Variants in SPG7 observed in about 807,000 individuals in gnomAD.
The protein encoded by SPG7 is SPG7 matrix AAA peptidase subunit, paraplegin, also known as mitochondrial inner membrane m-AAA protease component paraplegin.
A neutral mutation model predicts 81.9 loss-of-function variants in SPG7; 103 were observed. That is an observed-to-expected ratio of 1.26 (90% CI 1.07 to 1.48). SPG7 has a LOEUF of 1.48. Among genes scored for constraint, SPG7 ranks in the 40% most tolerant of loss-of-function variants. The pLI is 0.00. For synonymous variants in SPG7, 534 were observed against 444.2 expected (o/e 1.20, Z -2.54); for missense variants, 1,241 against 1,087.3 (o/e 1.14, Z -1.99).
chr16:89,540,871 A>G, intron 9 of SPG7: 1 of 980,832 alleles, frequency 1.0e-6, no homozygotes, highest in Non-Finnish European at 1.2e-6. Context: ...TTTACCTGTA[A>G]TAGCTAAAAA....
Position 89,546,959 on chromosome 16 carries a change from C to T in SPG7, c.1552+199C>T, listed in dbSNP as rs2292953. 9.6e-5 allele frequency: 56 copies of T among 583,248 alleles called. No homozygotes were observed. The East Asian group carries it at 1.7e-3, about 18-fold the overall frequency. 36.1% of individuals were successfully genotyped at this position (583,248 alleles called of 1,614,324 possible). The stretch of plus-strand genomic sequence containing the variant: ...CAGACGGCACCCGCACTCCGTCCTC[C>T]GCCCCGGGGTGGAAAAGCAGACGGT... On this transcript the variant is annotated intron_variant, in intron 11 of 16. Coordinates refer to ENST00000645818, the MANE Select transcript of SPG7 (RefSeq NM_003119.4).
intron 14 of SPG7, chr16:89,553,528 G>C (rs1479214830): frequency 1.8e-6 from 1 of 553,342 alleles, no homozygotes; most frequent in African/African-American, 1.9e-5. Flanking sequence ...GCCTGGGCTT[G>C]TGCTTGAGAA....
chr16:89,530,663 A>G lies in SPG7; in HGVS notation c.862-20A>G, dbSNP rs1316157102. ...TTCCTGACTTCGCCCAGCTCCTTGCACTTTGTTCTTTCTGCACAGAATCAG... is the reference window on the plus strand; with the variant it reads ...TTCCTGACTTCGCCCAGCTCCTTGCGCTTTGTTCTTTCTGCACAGAATCAG... On this transcript the variant is annotated intron_variant, in intron 6 of 16. Transcript: ENST00000645818. 1 of 1,614,004 alleles carries G rather than the reference A, an allele frequency of 6.2e-7. No individual in the cohort carries two copies. Among genetic ancestry groups the G allele is most frequent in the Admixed American group, 1.7e-5 (1 of 60,004 alleles).
At chr16:89,550,049 G>A (rs1326270872) in intron 12 of SPG7, 1 of 285,846 alleles carries the variant, frequency 3.5e-6, no homozygotes, top group East Asian at 9.0e-5. Context: ...GAGTTGGGGT[G>A]TCCAGAGCCG....
In SPG7 at chr16:89,513,177, C is replaced by T. The variant is rs112674109; in HGVS notation, c.376+140C>T. On this transcript the variant is annotated intron_variant, in intron 3 of 16. Transcript: ENST00000645818. ...GTGGCTCACACTTGTAATCGAAACGCTTTGGGAGGCCCAGGTGGAAGGATC... is the reference window on the plus strand; with the variant it reads ...GTGGCTCACACTTGTAATCGAAACGTTTTGGGAGGCCCAGGTGGAAGGATC... 3,365 of 1,233,392 alleles carry T rather than the reference C, an allele frequency of 2.7e-3. 71 individuals carry two copies. The African/African-American group carries it at 0.044, about 16-fold the overall frequency. The allele number at this position is 1,233,392 out of a possible 1,614,324, so 76.4% of individuals were successfully genotyped here. A position where few individuals can be genotyped will look rare whatever the true frequency, so the allele number is the denominator to read the frequency against.
rs778342296 is a variant in SPG7, at chr16:89,557,065, G to C, written c.2360G>C (p.Gly787Ala). ...GAAGAGACCCAGCAGCCTCCACTTG[G>C]AGGCGAAGAGCCGACTTGGCCCAAG... ...ETEETQQPPL[G>A]GEEPTWPK The change falls in exon 17 of 17, where the codon GGA becomes GCA. Residue 787 changes from glycine to alanine, a missense_variant. By Grantham distance (60) the Gly-to-Ala change is moderately conservative. Transcript: ENST00000645818. 5 of 1,611,886 alleles carry C rather than the reference G, an allele frequency of 3.1e-6. No homozygotes were observed. The African/African-American group carries it at 6.7e-5, about 22-fold the overall frequency.
In SPG7 at chr16:89,531,893, C is replaced by T. The variant is rs1345622154; in HGVS notation, c.988-11C>T. ...CAAGTAGTTAGTGTTGCATTGTCTGCTGCCGTCCAGAGCCCAGAACGCTTC... is the reference window on the plus strand; with the variant it reads ...CAAGTAGTTAGTGTTGCATTGTCTGTTGCCGTCCAGAGCCCAGAACGCTTC... On this transcript the variant is annotated splice_polypyrimidine_tract_variant and intron_variant, in intron 7 of 16. Transcript: ENST00000645818. The T allele has an allele frequency of 1.2e-6, 2 of 1,614,004 alleles. No homozygotes were observed. Among genetic ancestry groups the T allele is most frequent in the Admixed American group, 1.7e-5 (1 of 60,020 alleles).
chr16:89,512,126 T>C (rs1213220856), intron 2 of SPG7, among the ~76,000 whole-genome samples: 1 of 152,056 alleles, frequency 6.6e-6, no homozygotes, highest in Non-Finnish European at 1.5e-5. Context: ...TTAGCCAGGA[T>C]GGTCTCGATC....
chr16:89,547,478 C>G (rs1597657457), intron 11 of SPG7: 1 of 192,982 alleles, frequency 5.2e-6, no homozygotes, highest in African/African-American at 2.4e-5. Context: ...TCTCCCCACC[C>G]CTGCTCCTGG....
At chr16:89,517,169 C>A (rs2058109142) in intron 3 of SPG7, 1 of 152,392 alleles carries the variant, frequency 6.6e-6, no homozygotes, top group Admixed American at 6.5e-5. Flanking sequence ...GTGGCCTGTG[C>A]GGATTCTGCA....
chr16:89,541,053 A>G (rs2058489184), intron 9 of SPG7: 1 of 984,764 alleles, frequency 1.0e-6, no homozygotes, highest in Non-Finnish European at 1.2e-6. Flanking sequence ...TGTTGTACGC[A>G]GAAATAGAAG....
intron 13 of SPG7, 155 bp from the exon 14 acceptor site, chr16:89,552,824 A>G: frequency 1.4e-6 from 1 of 719,488 alleles, no homozygotes; most frequent in Non-Finnish European, 2.4e-6. Flanking sequence ...CTGGCCATCT[A>G]GAGTGTTAGG....
intron 13 of SPG7, chr16:89,551,118 A>G (rs1208300595): frequency 4.8e-6 from 1 of 209,440 alleles, no homozygotes; most frequent in East Asian, 1.1e-4. Flanking sequence ...CTCGATGGAC[A>G]TTTATTCTTA....
At chr16:89,525,370 A>C (rs1448674033) in intron 4 of SPG7, among the ~76,000 whole-genome samples, 2 of 152,214 alleles carry the variant, frequency 1.3e-5, no homozygotes, top group Admixed American at 1.3e-4. Flanking sequence ...TGGATGCCTG[A>C]TTATTTCAGT....
chr16:89,550,592 AC>A lies in SPG7; in HGVS notation c.1763del (p.Thr588ArgfsTer4). On this transcript the variant is annotated frameshift_variant, in exon 13 of 17. Coordinates refer to ENST00000645818, the MANE Select transcript of SPG7 (RefSeq NM_003119.4). LOFTEE classifies it high-confidence loss of function. ...HALVGWMLEH[T>X]EAVMKVSITP... ...CTTGGTGGGCTGGATGCTGGAGCAC[AC>A]GGAGGCCGTGATGAAGGTGGGTCTT... 6.2e-7 allele frequency: 1 copy of A among 1,613,500 alleles called. No individual in the cohort carries two copies. Among genetic ancestry groups the A allele is most frequent in the African/African-American group, 1.3e-5 (1 of 75,054 alleles).
At position 89,533,073 on chromosome 16, in the gene SPG7, CAAAA is replaced by C. The variant is rs398042283; in HGVS notation, c.1324+454_1324+457del. 20 of 84,810 alleles carry C rather than the reference CAAAA, an allele frequency of 2.4e-4. No individual in the cohort carries two copies. The East Asian group carries it at 2.9e-3, about 12-fold the overall frequency. 5.3% of individuals were successfully genotyped at this position (84,810 alleles called of 1,614,324 possible). ...TGGGTGACAGAGGGAGACTCCATCTCAAAAAAAAAAAAAAAAAAAACACAGCTTT... is the reference window on the plus strand; with the variant it reads ...TGGGTGACAGAGGGAGACTCCATCTCAAAAAAAAAAAAAAAACACAGCTTT... On this transcript the variant is annotated intron_variant, in intron 9 of 16. Transcript: ENST00000645818.
rs2058651177 is a variant in SPG7 at position 89,553,014 on chromosome 16, C to T, written c.1815C>T (p.Gly605=). The change falls in exon 14 of 17, where the codon GGC becomes GGT. Residue 605 remains glycine (G), a synonymous_variant. Coordinates refer to ENST00000645818, the MANE Select transcript of SPG7 (RefSeq NM_003119.4). ...SITPRTNAAL[G]FAQMLPRDQH... is the part of the protein sequence containing the mutation. Reference sequence around the variant, plus strand: ...CCCCTCGGACAAACGCCGCCCTGGGCTTTGCTCAGATGCTCCCCAGAGACC... The same window carrying T: ...CCCCTCGGACAAACGCCGCCCTGGGTTTTGCTCAGATGCTCCCCAGAGACC... 6.2e-7 allele frequency: 1 copy of T among 1,614,006 alleles called. No individual in the cohort carries two copies. Among genetic ancestry groups the T allele is most frequent in the African/African-American group, 1.3e-5 (1 of 75,056 alleles).
Position 89,546,641 on chromosome 16 carries a change from T to A in SPG7, c.1450-17T>A. 6.3e-7 allele frequency: 1 copy of A among 1,578,194 alleles called. No individual in the cohort carries two copies. The highest frequency in any genetic ancestry group is 8.7e-7 in the Non-Finnish European group (1 of 1,149,748). The stretch of plus-strand genomic sequence containing the variant: ...TAGGCTTGAGCCCGACTGTCTTTCC[T>A]CCCCTGGTTCTGGCAGGAGAGGCGG... On this transcript the variant is annotated splice_polypyrimidine_tract_variant and intron_variant, in intron 10 of 16. Coordinates refer to ENST00000645818, the MANE Select transcript of SPG7 (RefSeq NM_003119.4).
At position 89,544,691 on chromosome 16, in the gene SPG7, C is replaced by A; in HGVS notation, c.1368C>A (p.Asn456Lys). 1 of 1,614,152 alleles carries A rather than the reference C, an allele frequency of 6.2e-7. No homozygotes were observed. ...ATGTCATCGTCCTGGCGTCCACGAA[C>A]CGAGCTGACATTTTGGACGGTGCTC... ...TDHVIVLASTNRADILDGALM... is the reference protein window; with the variant it reads ...TDHVIVLASTKRADILDGALM... Residue 456 changes from asparagine (N) to lysine (K), a missense_variant, in exon 10 of 17, where the codon AAC becomes AAA. Physicochemically the swap from Asn to Lys is moderately conservative, Grantham distance 94 (BLOSUM62 0). Transcript: ENST00000645818.
Sources: gnomAD v4.1 joint callset for allele counts (sites outside exome capture counted in the v4.1 genomes callset) on GRCh38, gnomAD v4.1.1 for gene constraint, MANE v1.5 for transcripts, NCBI Gene and HGNC (gene_info 2026-07-23, HGNC 2026-07-21) for gene names.